Variants in PTPRM observed in about 807,000 individuals in gnomAD.
The protein encoded by PTPRM is protein tyrosine phosphatase receptor type M.
In PTPRM, 47 loss-of-function variants were observed where a neutral mutation model predicts 186.7. That is an observed-to-expected ratio of 0.25 (90% CI 0.20 to 0.32). The LOEUF (loss-of-function observed/expected upper bound fraction) is 0.32, where lower values mean the gene tolerates loss of function less well. Among genes scored for constraint, PTPRM ranks in the 10% least tolerant of loss-of-function variants. PTPRM has a pLI of 1.00. For missense variants in PTPRM, 1,494 were observed against 1,865.0 expected, an observed-to-expected ratio of 0.80 and a Z score of 3.66; for synonymous variants, 668 against 674.9, an observed-to-expected ratio of 0.99 and a Z score of 0.16.
chr18:8,220,513 T>C (rs2094142109), intron 14 of PTPRM, among the ~76,000 whole-genome samples: 2 of 152,222 alleles, frequency 1.3e-5, no homozygotes, highest in East Asian at 3.8e-4. Flanking sequence ...GGGCATTCTT[T>C]ATGTGAACCT....
rs1327504085 is a variant in PTPRM, at chr18:7,676,637, GTGTGTGTGTGTGTGTGTGTGTGTGTA to G, written c.74-97486_74-97461del. On this transcript the variant is annotated intron_variant, in intron 1 of 32. Coordinates refer to ENST00000580170, the MANE Select transcript of PTPRM (RefSeq NM_001105244.2). ...GCCAGGAGATTCTAGCTGTGTGTGTGTGTGTGTGTGTGTGTGTGTGTGTGTATGTGTGTGTGTGTGTGTGTGTGTGT... is the reference window on the plus strand; with the variant it reads ...GCCAGGAGATTCTAGCTGTGTGTGTGTGTGTGTGTGTGTGTGTGTGTGTGT... Among the ~76,000 whole-genome samples the G allele has an allele frequency of 5.8e-5, 8 of 137,950 alleles. 1 individual carries two copies. The highest frequency in any genetic ancestry group is 9.1e-5 in the Non-Finnish European group (6 of 66,264). 90.5% of individuals were successfully genotyped at this position (137,950 alleles called of 152,430 possible). A position where few individuals can be genotyped will look rare whatever the true frequency, so the allele number is the denominator to read the frequency against.
intron 2 of PTPRM, among the ~76,000 whole-genome samples, chr18:7,854,794 A>C (rs2047017562): frequency 6.6e-6 from 1 of 150,536 alleles, no homozygotes; most frequent in African/African-American, 2.5e-5. Flanking sequence ...ATGACCTAGA[A>C]GTTTTCTGTG....
intron 2 of PTPRM, among the ~76,000 whole-genome samples, chr18:7,804,901 A>G (rs541948778): frequency 6.6e-6 from 1 of 152,336 alleles, no homozygotes; most frequent in African/African-American, 2.4e-5. Context: ...TTCTTTAGAC[A>G]TTGAGTACGT....
At chr18:7,873,624 G>T (rs2048085750) in intron 2 of PTPRM, among the ~76,000 whole-genome samples, 1 of 152,138 alleles carries the variant, frequency 6.6e-6, no homozygotes, top group African/African-American at 2.4e-5. Flanking sequence ...GAGGGAGTGG[G>T]GGAAGTCAAG....
chr18:8,132,576 C>T (rs1295631449), intron 13 of PTPRM, among the ~76,000 whole-genome samples: 2 of 152,092 alleles, frequency 1.3e-5, no homozygotes, highest in South Asian at 2.1e-4. Context: ...GAGCCCCAGA[C>T]CATTGTAATT....
intron 2 of PTPRM, chr18:7,815,155 C>G (rs2044742835): frequency 6.6e-6 from 1 of 152,306 alleles, no homozygotes; most frequent in African/African-American, 2.4e-5. Flanking sequence ...AGCCCACCAC[C>G]TACTGCCTGT....
intron 14 of PTPRM, among the ~76,000 whole-genome samples, chr18:8,233,173 C>A (rs2094307551): frequency 6.6e-6 from 1 of 152,214 alleles, no homozygotes; most frequent in Non-Finnish European, 1.5e-5. Context: ...AATCCCTTTG[C>A]CGGCACACTA....
chr18:7,846,967 C>T (rs1271985290), intron 2 of PTPRM, among the ~76,000 whole-genome samples: 4 of 151,762 alleles, frequency 2.6e-5, no homozygotes. Flanking sequence ...CTATTTCAGA[C>T]TATCACTGTA....
At chr18:7,947,670 A>G (rs1291148365) in intron 5 of PTPRM, among the ~76,000 whole-genome samples, 1 of 151,982 alleles carries the variant, frequency 6.6e-6, no homozygotes, top group Non-Finnish European at 1.5e-5. Context: ...CTATAACTAG[A>G]ATGCTCTTCC....
At chr18:7,956,250 A>G (rs2053302026) in intron 7 of PTPRM, among the ~76,000 whole-genome samples, 1 of 152,240 alleles carries the variant, frequency 6.6e-6, no homozygotes, top group Non-Finnish European at 1.5e-5. Context: ...TTCAGATAGC[A>G]TTAGATAAGA....
intron 24 of PTPRM, chr18:8,371,633 G>T (rs1212621724): frequency 6.6e-6 from 1 of 152,616 alleles, no homozygotes; most frequent in Non-Finnish European, 1.5e-5. Context: ...CTGGTGTTGG[G>T]TCGGTGAATG....
At chr18:7,695,563 T>C (rs1215367107) in intron 1 of PTPRM, among the ~76,000 whole-genome samples, 2 of 152,260 alleles carry the variant, frequency 1.3e-5, no homozygotes, top group Non-Finnish European at 2.9e-5. Context: ...TGCATCATTT[T>C]ATAATTTTAG....
In PTPRM at chr18:8,322,230, C is replaced by T. The variant is rs576568642; in HGVS notation, c.2956+3016C>T. On this transcript the variant is annotated intron_variant, in intron 22 of 32. Coordinates refer to ENST00000580170, the MANE Select transcript of PTPRM (RefSeq NM_001105244.2). ...AGATGTTCATCAAGTTCCTTCAATACAGAGGACATATTATAAATTTAAGTA... is the reference window on the plus strand; with the variant it reads ...AGATGTTCATCAAGTTCCTTCAATATAGAGGACATATTATAAATTTAAGTA... 2.6e-5 allele frequency among the ~76,000 whole-genome samples: 4 copies of T among 152,314 alleles called. No individual in the cohort carries two copies. In the South Asian group the frequency reaches 8.3e-4, roughly 32 times the overall value.
chr18:7,816,761 TTTACAAAAGTCTCA>T (rs2044849409), intron 2 of PTPRM, among the ~76,000 whole-genome samples: 1 of 152,188 alleles, frequency 6.6e-6, no homozygotes, highest in Admixed American at 6.5e-5. Context: ...AAAGGAATAC[TTTACAAAAGTCTCA>T]TTACCATAAA....
chr18:7,875,548 A>G (rs2048196938), intron 2 of PTPRM, among the ~76,000 whole-genome samples: 1 of 151,096 alleles, frequency 6.6e-6, no homozygotes, highest in African/African-American at 2.4e-5. Flanking sequence ...CTGGTCTCAA[A>G]CTCCTGACCT....
At chr18:8,172,415 A>C in intron 14 of PTPRM, among the ~76,000 whole-genome samples, 1 of 152,156 alleles carries the variant, frequency 6.6e-6, no homozygotes, top group Admixed American at 6.6e-5. Context: ...ATCTTTGTAC[A>C]GGAAGGCACT....
chr18:8,371,219 A>G (rs1460244559), intron 24 of PTPRM, among the ~76,000 whole-genome samples: 1 of 152,116 alleles, frequency 6.6e-6, no homozygotes, highest in East Asian at 1.9e-4. Flanking sequence ...AAGAATCTAT[A>G]TTTTGCAAGT....
chr18:8,384,089 G>A (rs1428905692), intron 29 of PTPRM, among the ~76,000 whole-genome samples: 1 of 152,198 alleles, frequency 6.6e-6, no homozygotes, highest in Admixed American at 6.5e-5. Flanking sequence ...CAGCAAGGAA[G>A]TCCAAAAGCC....
At chr18:8,327,554 G>A (rs2095385290) in intron 22 of PTPRM, among the ~76,000 whole-genome samples, 2 of 152,214 alleles carry the variant, frequency 1.3e-5, no homozygotes, top group Admixed American at 1.3e-4. Flanking sequence ...GAGTGAATGA[G>A]TAAATGAATG....
Sources: gnomAD v4.1 joint callset for allele counts (sites outside exome capture counted in the v4.1 genomes callset) on GRCh38, gnomAD v4.1.1 for gene constraint, MANE v1.5 for transcripts, NCBI Gene and HGNC (gene_info 2026-07-23, HGNC 2026-07-21) for gene names.